Variants in PROS1 observed in about 807,000 individuals in gnomAD.
PROS1 encodes the protein protein S, also known as vitamin K-dependent protein S.
In PROS1, 29 loss-of-function variants were observed where a neutral mutation model predicts 75.9. That is an observed-to-expected ratio of 0.38 (90% CI 0.28 to 0.52). PROS1 has a LOEUF of 0.52. PROS1 is among the 20% of genes least tolerant of loss of function. PROS1 has a pLI of 0.83. For missense variants in PROS1, 680 were observed against 810.3 expected (o/e 0.84, Z 1.95); for synonymous variants, 245 against 280.6 (o/e 0.87, Z 1.27).
At chr3:93,946,530 A>T (rs913744431) in intron 1 of PROS1, among the ~76,000 whole-genome samples, 5 of 152,200 alleles carry the variant, frequency 3.3e-5, no homozygotes, top group African/African-American at 1.2e-4. Flanking sequence ...ATCTTTGACA[A>T]ACCTGACAAA....
intron 12 of PROS1, among the ~76,000 whole-genome samples, chr3:93,880,781 C>A (rs1038356447): frequency 2.6e-5 from 4 of 152,122 alleles, no homozygotes; most frequent in Admixed American, 2.0e-4. Context: ...AGATCACTTA[C>A]AAATTATCCA....
intron 1 of PROS1, among the ~76,000 whole-genome samples, chr3:93,951,355 G>T (rs1018339968): frequency 1.3e-5 from 2 of 152,082 alleles, no homozygotes; most frequent in Non-Finnish European, 2.9e-5. Context: ...GAAACGTGAG[G>T]TTACCCACAA....
chr3:93,905,995 T>C (rs775387242), intron 5 of PROS1, 26 bp downstream of exon 5: 12 of 1,611,870 alleles, frequency 7.4e-6, no homozygotes. Context: ...CCTGATGAGC[T>C]GGGGGGCGGG....
rs1575902174 is a variant in PROS1, at chr3:93,970,417, C to T, written c.76+3257G>A. On this transcript the variant is annotated intron_variant, in intron 1 of 14. Coordinates refer to ENST00000394236, the MANE Select transcript of PROS1 (RefSeq NM_000313.4). ...AGTGGCATAATCATGCTCACTGCAG[C>T]CTCAACCTCCTGGGCTCAAGTGATC... Among the ~76,000 whole-genome samples the T allele has an allele frequency of 5.3e-5, 8 of 152,254 alleles. 3 individuals are homozygous for T. The highest frequency in any genetic ancestry group is 5.2e-4 in the Admixed American group (8 of 15,286).
intron 7 of PROS1, 41 bp downstream of exon 7, chr3:93,900,763 C>G (rs768119893): frequency 1.7e-5 from 28 of 1,611,174 alleles, no homozygotes; most frequent in Non-Finnish European, 2.3e-5. Flanking sequence ...GGTTCACACC[C>G]ACCCTCTCCA....
At chr3:93,952,386 C>A (rs954614017) in intron 1 of PROS1, among the ~76,000 whole-genome samples, 15 of 152,172 alleles carry the variant, frequency 9.9e-5, no homozygotes, top group African/African-American at 3.6e-4. Context: ...GTCTCTCAGA[C>A]CACAGTGCAA....
rs1708149864 is a variant in PROS1, at chr3:93,874,241, TG to T, written c.*3del. 6.2e-7 allele frequency: 1 copy of T among 1,613,138 alleles called. No individual in the cohort carries two copies. Among genetic ancestry groups the T allele is most frequent in the South Asian group, 1.1e-5 (1 of 91,066 alleles). ...AAAGGTATTATAAGCAGAGAAAAGA[TG>T]CCTTAAGAATTCTTTGTCTTTTTCC... On this transcript the variant is annotated 3_prime_UTR_variant, in exon 15 of 15. Coordinates refer to ENST00000394236, the MANE Select transcript of PROS1 (RefSeq NM_000313.4).
At position 93,910,515 on chromosome 3, in the gene PROS1, A is replaced by G. The variant is rs1708744088; in HGVS notation, c.346+104T>C. The G allele has an allele frequency of 1.2e-5, 11 of 929,634 alleles. No homozygotes were observed. In the South Asian group the frequency reaches 1.5e-4, roughly 13 times the overall value. 57.6% of individuals were successfully genotyped at this position (929,634 alleles called of 1,614,324 possible). On this transcript the variant is annotated intron_variant, in intron 4 of 14. Transcript: ENST00000394236. ...TCCTTGCTGGGCATACAACCCATCA[A>G]AGGATCATTTCTCAATTTTTAAACG...
chr3:93,931,884 G>T (rs766376178), intron 1 of PROS1, among the ~76,000 whole-genome samples: 7 of 152,232 alleles, frequency 4.6e-5, no homozygotes, highest in Non-Finnish European at 8.8e-5. Flanking sequence ...TTTTGTAAAA[G>T]AAATTATGTG....
In PROS1 at chr3:93,906,153, A is replaced by T. The variant is rs1303421220; in HGVS notation, c.347-10T>A. The T allele has an allele frequency of 1.2e-6, 2 of 1,612,350 alleles. No individual in the cohort carries two copies. Among genetic ancestry groups the T allele is most frequent in the Non-Finnish European group, 1.7e-6 (2 of 1,179,460 alleles). ...CACTGGTCTGGAATGGCTGAAGGAA[A>T]TAGACATCTATTTATTTTTTTTATC... is the stretch of plus-strand genomic sequence containing the variant. On this transcript the variant is annotated splice_polypyrimidine_tract_variant and intron_variant, in intron 4 of 14. Coordinates refer to ENST00000394236, the MANE Select transcript of PROS1 (RefSeq NM_000313.4).
intron 4 of PROS1, 67 bp downstream of exon 4, chr3:93,910,552 T>A: frequency 7.7e-7 from 1 of 1,295,510 alleles, no homozygotes. Context: ...TAGTTTATAT[T>A]ACCATGGGTG....
Position 93,874,211 on chromosome 3 carries a change from A to T in PROS1, c.*34T>A, listed in dbSNP as rs773981911. On this transcript the variant is annotated 3_prime_UTR_variant, in exon 15 of 15. Coordinates refer to ENST00000394236, the MANE Select transcript of PROS1 (RefSeq NM_000313.4). Reference sequence around the variant, plus strand: ...TTGAAACATAAGTATAATTACACACAAGGAAAAGGTATTATAAGCAGAGAA... The same window carrying T: ...TTGAAACATAAGTATAATTACACACTAGGAAAAGGTATTATAAGCAGAGAA... 14 of 1,610,114 alleles carry T rather than the reference A, an allele frequency of 8.7e-6. No homozygotes were observed. The highest frequency in any genetic ancestry group is 1.2e-5 in the Non-Finnish European group (14 of 1,176,598).
chr3:93,930,579 C>T (rs1709092364), intron 1 of PROS1, among the ~76,000 whole-genome samples: 1 of 152,164 alleles, frequency 6.6e-6, no homozygotes, highest in Non-Finnish European at 1.5e-5. Flanking sequence ...TTTTTAAGAA[C>T]ATCTCTTTCC....
At chr3:93,971,459 T>C (rs1485600666) in intron 1 of PROS1, among the ~76,000 whole-genome samples, 2 of 151,802 alleles carry the variant, frequency 1.3e-5, no homozygotes. Flanking sequence ...GCTCTAATTA[T>C]ATCTCAGATT....
At chr3:93,963,776 C>T (rs1015366907) in intron 1 of PROS1, among the ~76,000 whole-genome samples, 1 of 152,158 alleles carries the variant, frequency 6.6e-6, no homozygotes, top group Non-Finnish European at 1.5e-5. Context: ...AGTCACTCAT[C>T]ACCTAGGGGC....
At position 93,973,892 on chromosome 3, in the gene PROS1, G is replaced by A. The variant is rs1228256962; in HGVS notation, c.-143C>T. 3.7e-6 allele frequency: 2 copies of A among 544,740 alleles called. No homozygotes were observed. The highest frequency in any genetic ancestry group is 2.0e-5 in the African/African-American group (1 of 49,740). The allele number at this position is 544,740 out of a possible 1,614,324, so 33.7% of individuals were successfully genotyped here. A position where few individuals can be genotyped will look rare whatever the true frequency, so the allele number is the denominator to read the frequency against. ...CGCCAGCGACCCAGCGAGCCTCGGCGGAACAGCCGGGGGCGGAGGAGACCG... is the reference window on the plus strand; with the variant it reads ...CGCCAGCGACCCAGCGAGCCTCGGCAGAACAGCCGGGGGCGGAGGAGACCG... On this transcript the variant is annotated 5_prime_UTR_variant, in exon 1 of 15. Coordinates refer to ENST00000394236, the MANE Select transcript of PROS1 (RefSeq NM_000313.4).
intron 1 of PROS1, among the ~76,000 whole-genome samples, chr3:93,939,877 G>C (rs1441783040): frequency 6.6e-6 from 1 of 152,108 alleles, no homozygotes; most frequent in Non-Finnish European, 1.5e-5. Flanking sequence ...CCCCACAACA[G>C]GACTTAACTA....
At chr3:93,969,845 T>C (rs1709849457) in intron 1 of PROS1, among the ~76,000 whole-genome samples, 5 of 152,228 alleles carry the variant, frequency 3.3e-5, no homozygotes, top group South Asian at 2.1e-4. Flanking sequence ...AATACTGTAT[T>C]ATCAGGCATA....
intron 12 of PROS1, among the ~76,000 whole-genome samples, chr3:93,883,157 C>A (rs1708296811): frequency 6.6e-6 from 1 of 152,172 alleles, no homozygotes; most frequent in African/African-American, 2.4e-5. Flanking sequence ...GCTTCCCCAA[C>A]CTCCGCATCT....
Sources: allele counts gnomAD v4.1 joint callset (sites outside exome capture counted in the v4.1 genomes callset), GRCh38; gene constraint gnomAD v4.1.1; transcripts MANE v1.5; gene names NCBI Gene and HGNC (gene_info 2026-07-23, HGNC 2026-07-21).